Variants in SLC39A11 observed in about 807,000 individuals in gnomAD.
SLC39A11 encodes the protein zinc transporter ZIP11.
A neutral mutation model predicts 36.1 loss-of-function variants in SLC39A11; 33 were observed. That is an observed-to-expected ratio of 0.91 (90% CI 0.69 to 1.22). The LOEUF is 1.22. Ranked by LOEUF, SLC39A11 falls within the 50% of genes most tolerant of loss-of-function variation. SLC39A11 has a pLI of 0.00. For missense variants in SLC39A11, 432 were observed against 430.3 expected (o/e 1.00, Z -0.03); for synonymous variants, 166 against 170.3 (o/e 0.97, Z 0.20).
intron 4 of SLC39A11, among the ~76,000 whole-genome samples, chr17:72,987,865 C>G (rs1434038368): frequency 1.3e-5 from 2 of 152,210 alleles, no homozygotes; most frequent in African/African-American, 2.4e-5. Flanking sequence ...GGGGCTACTT[C>G]TTCCCATGTT....
intron 5 of SLC39A11, among the ~76,000 whole-genome samples, chr17:72,876,191 C>CA (rs1255901989): frequency 6.6e-6 from 1 of 152,082 alleles, no homozygotes; most frequent in Non-Finnish European, 1.5e-5. Flanking sequence ...CTGCCATGCC[C>CA]AAAAGCCTCC....
chr17:73,058,424 T>C (rs915355512), intron 3 of SLC39A11, among the ~76,000 whole-genome samples: 1 of 152,188 alleles, frequency 6.6e-6, no homozygotes, highest in Admixed American at 6.5e-5. Flanking sequence ...TCGTCTCCTG[T>C]GATAGGAGTT....
intron 6 of SLC39A11, among the ~76,000 whole-genome samples, chr17:72,805,748 T>TTC (rs1271301321): frequency 4.6e-5 from 7 of 150,596 alleles, no homozygotes; most frequent in African/African-American, 1.7e-4. Flanking sequence ...TTCTTTTTCT[T>TTC]TTTCTTTTTT....
At chr17:73,060,230 AGAAAG>A (rs2059801107) in intron 3 of SLC39A11, among the ~76,000 whole-genome samples, 7 of 134,452 alleles carry the variant, frequency 5.2e-5, no homozygotes, top group African/African-American at 8.0e-5. Flanking sequence ...AAAAAAAAAA[AGAAAG>A]AAAAAAGAAA....
At chr17:73,087,381 G>A (rs2060769828) in intron 2 of SLC39A11, among the ~76,000 whole-genome samples, 1 of 152,150 alleles carries the variant, frequency 6.6e-6, no homozygotes, top group South Asian at 2.1e-4. Context: ...CTTCCTAAAG[G>A]TGTTTTCATT....
intron 5 of SLC39A11, among the ~76,000 whole-genome samples, chr17:72,905,774 G>A (rs922338471): frequency 3.3e-5 from 5 of 149,472 alleles, no homozygotes; most frequent in African/African-American, 1.2e-4. Flanking sequence ...TTTTTTTTGA[G>A]ACAGAGTCTC....
chr17:72,749,923 A>G (rs2075087310), intron 6 of SLC39A11, among the ~76,000 whole-genome samples: 1 of 152,090 alleles, frequency 6.6e-6, no homozygotes, highest in Non-Finnish European at 1.5e-5. Context: ...TCAGCCACAC[A>G]TCCCTCCTGG....
intron 7 of SLC39A11, among the ~76,000 whole-genome samples, chr17:72,701,605 G>C (rs974030803): frequency 1.3e-5 from 2 of 151,714 alleles, no homozygotes; most frequent in South Asian, 4.2e-4. Flanking sequence ...GTGCATGCCT[G>C]TAGTCCCAGC....
At chr17:73,062,189 G>A (rs1287322160) in intron 3 of SLC39A11, among the ~76,000 whole-genome samples, 3 of 151,950 alleles carry the variant, frequency 2.0e-5, no homozygotes, top group Non-Finnish European at 4.4e-5. Flanking sequence ...GCCGGGCGCA[G>A]TAGTTCATAC....
At chr17:72,674,353 T>C (rs2071158892) in intron 7 of SLC39A11, among the ~76,000 whole-genome samples, 1 of 152,220 alleles carries the variant, frequency 6.6e-6, no homozygotes, top group African/African-American at 2.4e-5. Context: ...AAAACTCCTC[T>C]AAATGAGTTC....
intron 6 of SLC39A11, among the ~76,000 whole-genome samples, chr17:72,842,588 A>G (rs1423843548): frequency 1.3e-5 from 2 of 152,220 alleles, no homozygotes; most frequent in Non-Finnish European, 2.9e-5. Flanking sequence ...AATCTTTGGA[A>G]GGCTCAGAGC....
rs117241653 is a variant in SLC39A11, at chr17:73,024,520, G to A, written c.306+7036C>T. On this transcript the variant is annotated intron_variant, in intron 4 of 9. Transcript: ENST00000255559. ...TTTTAATTCCCTAAGATATTCTTTC[G>A]TGAACTAGAATCAGAATGCTAAAGA... Among the ~76,000 whole-genome samples, 750 of 152,070 alleles carry A rather than the reference G, an allele frequency of 4.9e-3. 7 individuals are homozygous for A. Among genetic ancestry groups the A allele is most frequent in the Admixed American group, 6.9e-3 (106 of 15,264 alleles).
chr17:73,022,252 C>T (rs752960808), intron 4 of SLC39A11, among the ~76,000 whole-genome samples: 1 of 152,314 alleles, frequency 6.6e-6, no homozygotes, highest in Non-Finnish European at 1.5e-5. Flanking sequence ...CACCTAAATG[C>T]GCACTTGCAG....
chr17:72,885,770 C>G (rs973290381), intron 5 of SLC39A11, among the ~76,000 whole-genome samples: 3 of 152,152 alleles, frequency 2.0e-5, no homozygotes, highest in African/African-American at 7.2e-5. Context: ...AGCAGTGGCC[C>G]TCGCTAGAGC....
At chr17:72,871,409 C>CCTTAAGGG (rs1288184313) in intron 5 of SLC39A11, among the ~76,000 whole-genome samples, 1 of 152,080 alleles carries the variant, frequency 6.6e-6, no homozygotes, top group Non-Finnish European at 1.5e-5. Context: ...GTGTGCGGTG[C>CCTTAAGGG]CTTTTGGAAA....
intron 5 of SLC39A11, among the ~76,000 whole-genome samples, chr17:72,897,318 C>T: frequency 6.6e-6 from 1 of 152,152 alleles, no homozygotes; most frequent in East Asian, 1.9e-4. Context: ...CACATGCAGT[C>T]ATCTAATATA....
At chr17:72,953,474 A>C (rs1346709020) in intron 4 of SLC39A11, among the ~76,000 whole-genome samples, 2 of 152,204 alleles carry the variant, frequency 1.3e-5, no homozygotes, top group Non-Finnish European at 2.9e-5. Context: ...TATCTCCTTC[A>C]AGAAATAAAA....
intron 7 of SLC39A11, among the ~76,000 whole-genome samples, chr17:72,673,956 T>C (rs1223022266): frequency 6.6e-6 from 1 of 152,094 alleles, no homozygotes; most frequent in Non-Finnish European, 1.5e-5. Context: ...TAATCCCAGC[T>C]ACTTGGGAGG....
At chr17:72,978,051 G>A (rs990366556) in intron 4 of SLC39A11, among the ~76,000 whole-genome samples, 37 of 152,370 alleles carry the variant, frequency 2.4e-4, no homozygotes, top group East Asian at 1.9e-4. Flanking sequence ...TAGCCAGGGT[G>A]GTCGTTGAGA....
Sources: allele counts gnomAD v4.1 joint callset (sites outside exome capture counted in the v4.1 genomes callset), GRCh38; gene constraint gnomAD v4.1.1; transcripts MANE v1.5; gene names NCBI Gene and HGNC (gene_info 2026-07-23, HGNC 2026-07-21).